Variants in LLGL2 observed in about 807,000 individuals in gnomAD.
The protein encoded by LLGL2 is LLGL2, scribble cell polarity complex component.
LLGL2 carries 81 observed loss-of-function variants against 123.2 expected under a neutral mutation model. That is an observed-to-expected ratio of 0.66 (90% CI 0.55 to 0.79). The LOEUF is 0.79. LLGL2 is among the 30% of genes least tolerant of loss of function. The probability of loss-of-function intolerance (pLI) is 0.00; values close to 1 mark genes in which losing one functional copy is unlikely to be tolerated. For missense variants in LLGL2, 1,273 were observed against 1,414.6 expected (o/e 0.90, Z 1.61); for synonymous variants, 577 against 594.1 (o/e 0.97, Z 0.42).
intron 1 of LLGL2, 26 bp from the exon 2 acceptor site, chr17:75,543,371 C>T: frequency 1.3e-6 from 2 of 1,523,892 alleles, no homozygotes; most frequent in Non-Finnish European, 9.0e-7. Context: ...CAGGACAGAC[C>T]CCTGCAGCTC....
intron 20 of LLGL2, 58 bp from the exon 21 acceptor site, chr17:75,573,423 G>C: frequency 6.3e-7 from 1 of 1,582,806 alleles, no homozygotes; most frequent in South Asian, 1.1e-5. Context: ...TCCCCCAGGT[G>C]GGGAGGCAGC....
rs566254974 is a variant in LLGL2 at position 75,549,169 on chromosome 17, G to T, written c.75+5668G>T. ...AGTAACTGTTTGCTATATATGGTGG[G>T]CCGTCAAGCCTATTGGAGGGATGGA... On this transcript the variant is annotated intron_variant, in intron 2 of 25. Transcript: ENST00000392550. This position sits in a 1 kb window ranked among gnomAD's most constrained non-coding sequence, Gnocchi z 4.0. Among the ~76,000 whole-genome samples the T allele has an allele frequency of 4.5e-4, 68 of 152,190 alleles. No individual in the cohort carries two copies. Among genetic ancestry groups the T allele is most frequent in the African/African-American group, 1.6e-3 (65 of 41,546 alleles).
At chr17:75,536,872 G>C (rs1253807220) in intron 1 of LLGL2, among the ~76,000 whole-genome samples, 1 of 152,058 alleles carries the variant, frequency 6.6e-6, no homozygotes, top group Non-Finnish European at 1.5e-5. Flanking sequence ...CTGTCACCCA[G>C]GCTGGAGTGC....
rs772924717 is a variant in LLGL2 at position 75,572,375 on chromosome 17, C to T, written c.2460+311C>T. 4.6e-5 allele frequency among the ~76,000 whole-genome samples: 7 copies of T among 151,452 alleles called. No individual in the cohort carries two copies. In the East Asian group the frequency reaches 1.2e-3, roughly 25 times the overall value. ...ACTAAAAATACAAAAAAAAATAGCCCGGCATGGGCCAGGCGCGGTGGCTCA... is the reference window on the plus strand; with the variant it reads ...ACTAAAAATACAAAAAAAAATAGCCTGGCATGGGCCAGGCGCGGTGGCTCA... On this transcript the variant is annotated intron_variant, in intron 19 of 25. Coordinates refer to ENST00000392550, the MANE Select transcript of LLGL2 (RefSeq NM_001031803.2).
intron 1 of LLGL2, among the ~76,000 whole-genome samples, chr17:75,529,029 G>A (rs1382394566): frequency 6.6e-6 from 1 of 151,236 alleles, no homozygotes; most frequent in Non-Finnish European, 1.5e-5. Context: ...GGTGGTGAGC[G>A]CCTGTAATCC....
In LLGL2 at chr17:75,574,633, G is replaced by T. The variant is rs372865631; in HGVS notation, c.3020G>T (p.Arg1007Leu). The change falls in exon 25 of 26, where the codon CGA becomes CTA. Residue 1007 changes from arginine (R) to leucine (L), a missense_variant. Transcript: ENST00000392550. ...DRGSGNWRSHRAAVGCSLSNG... is the reference protein window; with the variant it reads ...DRGSGNWRSHLAAVGCSLSNG... ...AGGAGCGGCAACTGGCGTTCACATC[G>T]AGCCGCCGTGGGGTGCAGCCTCAGC... 2 of 1,612,246 alleles carry T rather than the reference G, an allele frequency of 1.2e-6. No individual in the cohort carries two copies. The highest frequency in any genetic ancestry group is 3.3e-5 in the Admixed American group (2 of 59,920).
Position 75,558,448 on chromosome 17 carries a change from C to G in LLGL2, c.256-64C>G. Reference sequence around the variant, plus strand: ...TTTTAAACAACTGGGGCTGCGTGGCCCCAGTGTGTAAAGGCCTTGCCTGGG... The same window carrying G: ...TTTTAAACAACTGGGGCTGCGTGGCGCCAGTGTGTAAAGGCCTTGCCTGGG... On this transcript the variant is annotated intron_variant, in intron 4 of 25. Transcript: ENST00000392550. This position sits in a 1 kb window ranked among gnomAD's most constrained non-coding sequence, Gnocchi z 4.0. The G allele has an allele frequency of 1.4e-6, 2 of 1,394,960 alleles. No homozygotes were observed. Among genetic ancestry groups the G allele is most frequent in the Non-Finnish European group, 2.0e-6 (2 of 1,012,272 alleles). The allele number at this position is 1,394,960 out of a possible 1,614,324, so 86.4% of individuals were successfully genotyped here.
At chr17:75,565,238 C>T (rs960512) in intron 10 of LLGL2, among the ~76,000 whole-genome samples, 1 of 152,064 alleles carries the variant, frequency 6.6e-6, no homozygotes, top group Non-Finnish European at 1.5e-5. Flanking sequence ...GAGTCAGCCT[C>T]GTAAATTGTG....
At position 75,558,276 on chromosome 17, in the gene LLGL2, C is replaced by A; in HGVS notation, c.255+40C>A. The A allele has an allele frequency of 6.4e-7, 1 of 1,562,192 alleles. No individual in the cohort carries two copies. Among genetic ancestry groups the A allele is most frequent in the Non-Finnish European group, 8.8e-7 (1 of 1,139,028 alleles). On this transcript the variant is annotated intron_variant, in intron 4 of 25. Transcript: ENST00000392550. This position sits in a 1 kb window ranked among gnomAD's most constrained non-coding sequence, Gnocchi z 4.0. ...GTGGGACAGGAAGCCACTTCCATGCCCTCCTTGCCTTCACTGCTTCCAGCA... is the reference window on the plus strand; with the variant it reads ...GTGGGACAGGAAGCCACTTCCATGCACTCCTTGCCTTCACTGCTTCCAGCA...
In LLGL2 at chr17:75,549,513, C is replaced by A. The variant is rs749462758; in HGVS notation, c.75+6012C>A. Among the ~76,000 whole-genome samples, 6 of 152,124 alleles carry A rather than the reference C, an allele frequency of 3.9e-5. No individual in the cohort carries two copies. Among genetic ancestry groups the A allele is most frequent in the Non-Finnish European group, 8.8e-5 (6 of 68,002 alleles). On this transcript the variant is annotated intron_variant, in intron 2 of 25. Transcript: ENST00000392550. The surrounding 1 kb of genome is among the most constrained non-coding windows in gnomAD (Gnocchi z 4.0). ...TGTGTTCCTGACCCAGCAGCCCCTGCGGAGGGCCAGGTTGTTCTGTATTGG... is the reference window on the plus strand; with the variant it reads ...TGTGTTCCTGACCCAGCAGCCCCTGAGGAGGGCCAGGTTGTTCTGTATTGG...
At chr17:75,565,409 A>G (rs72854916) in intron 10 of LLGL2, among the ~76,000 whole-genome samples, 5,192 of 152,302 alleles carry the variant, frequency 0.034, 124 homozygotes, top group Non-Finnish European at 0.051. Context: ...CTGTGTACTC[A>G]CGGCCTCTAT....
At position 75,574,637 on chromosome 17, in the gene LLGL2, C is replaced by A. The variant is rs1126939; in HGVS notation, c.3024C>A (p.Ala1008=). The A allele has an allele frequency of 5.0e-6, 8 of 1,611,806 alleles. No homozygotes were observed. The highest frequency in any genetic ancestry group is 2.2e-5 in the South Asian group (2 of 90,998). The change falls in exon 25 of 26, where the codon GCC becomes GCA. Residue 1008 remains alanine (A), a synonymous_variant. Coordinates refer to ENST00000392550, the MANE Select transcript of LLGL2 (RefSeq NM_001031803.2). ...RGSGNWRSHR[A]AVGCSLSNGG... ...GCGGCAACTGGCGTTCACATCGAGCCGCCGTGGGGTGCAGCCTCAGCAATG... is the reference window on the plus strand; with the variant it reads ...GCGGCAACTGGCGTTCACATCGAGCAGCCGTGGGGTGCAGCCTCAGCAATG...
Position 75,544,596 on chromosome 17 carries a change from G to A in LLGL2, c.75+1095G>A, listed in dbSNP as rs2054344278. ...GGCTTGTTAAGGGCGTACGTGGGGTGAGGTAACTTAAGTGCTAGGCACAGT... is the reference window on the plus strand; with the variant it reads ...GGCTTGTTAAGGGCGTACGTGGGGTAAGGTAACTTAAGTGCTAGGCACAGT... On this transcript the variant is annotated intron_variant, in intron 2 of 25. Coordinates refer to ENST00000392550, the MANE Select transcript of LLGL2 (RefSeq NM_001031803.2). This position sits in a 1 kb window ranked among gnomAD's most constrained non-coding sequence, Gnocchi z 4.2. Among the ~76,000 whole-genome samples the A allele has an allele frequency of 6.6e-6, 1 of 152,222 alleles. No individual in the cohort carries two copies. The highest frequency in any genetic ancestry group is 2.4e-5 in the African/African-American group (1 of 41,456).
intron 1 of LLGL2, among the ~76,000 whole-genome samples, chr17:75,534,334 C>A (rs1388485496): frequency 6.6e-6 from 1 of 152,198 alleles, no homozygotes; most frequent in African/African-American, 2.4e-5. Flanking sequence ...GTTGTGATTC[C>A]ATAGGATAGA....
chr17:75,532,079 T>TACACACACACACACACACACAC (rs1555648021), intron 1 of LLGL2, among the ~76,000 whole-genome samples: 2 of 27,548 alleles, frequency 7.3e-5, no homozygotes, highest in African/African-American at 2.1e-4. Context: ...CACACACACT[T>TACACACACACACACACACACAC]TTTTTTTTTT....
intron 1 of LLGL2, among the ~76,000 whole-genome samples, chr17:75,529,511 A>C (rs1480493169): frequency 6.6e-6 from 1 of 151,148 alleles, no homozygotes; most frequent in Non-Finnish European, 1.5e-5. Flanking sequence ...GGCCCCTGCC[A>C]GTCCTTTTAT....
At chr17:75,536,367 C>G (rs1167388536) in intron 1 of LLGL2, among the ~76,000 whole-genome samples, 1 of 152,232 alleles carries the variant, frequency 6.6e-6, no homozygotes, top group African/African-American at 2.4e-5. Context: ...AGCCCGCTCC[C>G]TGGCCCTGCT....
At chr17:75,573,677 C>G in intron 21 of LLGL2, 46 bp downstream of exon 21, 1 of 1,472,118 alleles carries the variant, frequency 6.8e-7, no homozygotes, top group Non-Finnish European at 9.0e-7. Flanking sequence ...CCGCCCCTCC[C>G]TGCCCTCTCT....
intron 13 of LLGL2, 44 bp downstream of exon 13, chr17:75,569,175 G>A (rs1160442860): frequency 1.2e-6 from 2 of 1,612,580 alleles, no homozygotes; most frequent in Non-Finnish European, 1.7e-6. Flanking sequence ...GAGGCCAGCT[G>A]GGTCCTGTCC....
Sources: allele counts gnomAD v4.1 joint callset (sites outside exome capture counted in the v4.1 genomes callset), GRCh38; gene constraint gnomAD v4.1.1; non-coding constraint Gnocchi (gnomAD v3.1); transcripts MANE v1.5; gene names NCBI Gene and HGNC (gene_info 2026-07-23, HGNC 2026-07-21).